Variants in CREBL2 observed in about 807,000 individuals in gnomAD.
The protein encoded by CREBL2 is cAMP responsive element binding protein like 2.
Under a neutral mutation model 19.5 loss-of-function variants are expected in CREBL2, and 4 were observed. That is an observed-to-expected ratio of 0.20 (90% CI 0.10 to 0.47). CREBL2 has a LOEUF of 0.47. Among genes scored for constraint, CREBL2 ranks in the 20% least tolerant of loss-of-function variants. The pLI is 0.98. For missense variants in CREBL2, 85 were observed against 145.1 expected (o/e 0.59, Z 2.13); for synonymous variants, 42 against 46.6 (o/e 0.90, Z 0.40).
chr12:12,642,212 G>T lies in CREBL2; in HGVS notation c.*214G>T. On this transcript the variant is annotated 3_prime_UTR_variant, in exon 4 of 4. Coordinates refer to ENST00000228865, the MANE Select transcript of CREBL2 (RefSeq NM_001310.4). ...AGAAAATCTACAAACATTCAGACCT[G>T]TCTGGGTTGGTATTGCCACCCATGA... 5.1e-6 allele frequency: 2 copies of T among 390,454 alleles called. No individual in the cohort carries two copies. Among genetic ancestry groups the T allele is most frequent in the Non-Finnish European group, 9.2e-6 (2 of 217,838 alleles). The allele number at this position is 390,454 out of a possible 1,614,324, so 24.2% of individuals were successfully genotyped here. A position where few individuals can be genotyped will look rare whatever the true frequency, so the allele number is the denominator to read the frequency against.
At chr12:12,620,937 G>A (rs1945354023) in intron 1 of CREBL2, among the ~76,000 whole-genome samples, 2 of 152,234 alleles carry the variant, frequency 1.3e-5, no homozygotes, top group African/African-American at 4.8e-5. Flanking sequence ...AAGAGTGGGT[G>A]CTTAACTGTC....
At chr12:12,622,610 T>A (rs1566107294) in intron 1 of CREBL2, among the ~76,000 whole-genome samples, 1 of 152,222 alleles carries the variant, frequency 6.6e-6, no homozygotes, top group Non-Finnish European at 1.5e-5. Context: ...CTTTCTCCTG[T>A]CGACTAGAAA....
chr12:12,625,402 TGTTA>T (rs1286818279), intron 1 of CREBL2, among the ~76,000 whole-genome samples: 8 of 152,224 alleles, frequency 5.3e-5, no homozygotes, highest in Non-Finnish European at 8.8e-5. Context: ...TGAAAAAGTT[TGTTA>T]GTTAACCTCC....
At chr12:12,637,931 A>G (rs547969027) in intron 3 of CREBL2, among the ~76,000 whole-genome samples, 1 of 152,050 alleles carries the variant, frequency 6.6e-6, no homozygotes, top group African/African-American at 2.4e-5. Flanking sequence ...AATCCCAGCT[A>G]TTTGGGAGAC....
chr12:12,619,837 G>C (rs975898743), intron 1 of CREBL2, among the ~76,000 whole-genome samples: 1 of 152,180 alleles, frequency 6.6e-6, no homozygotes, highest in Non-Finnish European at 1.5e-5. Context: ...GCATGCCAAT[G>C]TGAGCTGCCA....
chr12:12,618,716 G>A (rs1013660676), intron 1 of CREBL2, among the ~76,000 whole-genome samples: 3 of 152,182 alleles, frequency 2.0e-5, no homozygotes, highest in Admixed American at 6.5e-5. Context: ...CCGAGATCGC[G>A]CCACTGCACT....
chr12:12,644,147 T>C lies in CREBL2; in HGVS notation c.*2149T>C, dbSNP rs1945546806. The C allele has an allele frequency of 1.3e-5, 2 of 152,572 alleles. No individual in the cohort carries two copies. The highest frequency in any genetic ancestry group is 2.4e-5 in the African/African-American group (1 of 41,458). The allele number at this position is 152,572 out of a possible 1,614,324, so 9.5% of individuals were successfully genotyped here. A position where few individuals can be genotyped will look rare whatever the true frequency, so the allele number is the denominator to read the frequency against. On this transcript the variant is annotated 3_prime_UTR_variant, in exon 4 of 4. Coordinates refer to ENST00000228865, the MANE Select transcript of CREBL2 (RefSeq NM_001310.4). ...GCAGGGAAGAGCAGTAGAGGATGTA[T>C]AATTTTGGGCGAAGTTAAATTACAA...
intron 1 of CREBL2, among the ~76,000 whole-genome samples, chr12:12,618,530 G>A (rs1222018328): frequency 1.3e-5 from 2 of 150,444 alleles, no homozygotes; most frequent in African/African-American, 4.9e-5. Context: ...GGGAAGAGGC[G>A]CTCCTCACTT....
At position 12,611,928 on chromosome 12, in the gene CREBL2, G is replaced by C. The variant is rs780525432; in HGVS notation, c.-245G>C. On this transcript the variant is annotated 5_prime_UTR_variant, in exon 1 of 4. Transcript: ENST00000228865. ...TAAACACCCAGAGACTGTCATGGAG[G>C]GGGAGGAGGAGGCGGCGGCGGCGAA... 7.4e-5 allele frequency: 43 copies of C among 580,230 alleles called. No individual in the cohort carries two copies. Among genetic ancestry groups the C allele is most frequent in the Middle Eastern group, 4.5e-4 (1 of 2,212 alleles). The allele number at this position is 580,230 out of a possible 1,614,324, so 35.9% of individuals were successfully genotyped here. A position where few individuals can be genotyped will look rare whatever the true frequency, so the allele number is the denominator to read the frequency against.
chr12:12,641,620 CT>C (rs2136308555), intron 3 of CREBL2, among the ~76,000 whole-genome samples: 1 of 152,116 alleles, frequency 6.6e-6, no homozygotes, highest in Admixed American at 6.6e-5. Flanking sequence ...GAACAAACTT[CT>C]TATGTTTTCA....
In CREBL2 at chr12:12,623,675, G is replaced by A. The variant is rs150778135; in HGVS notation, c.15+11488G>A. Among the ~76,000 whole-genome samples the A allele has an allele frequency of 5.3e-4, 81 of 152,342 alleles. No individual in the cohort carries two copies. In the East Asian group the frequency reaches 0.014, roughly 26 times the overall value. ...GCTTTTTGTGGGAATCCTGGATGCA[G>A]TGGGCTGAATGGTGGCCCCTAAAAA... On this transcript the variant is annotated intron_variant, in intron 1 of 3. Transcript: ENST00000228865.
intron 1 of CREBL2, among the ~76,000 whole-genome samples, chr12:12,628,098 TC>T (rs1945416621): frequency 6.6e-6 from 1 of 152,146 alleles, no homozygotes; most frequent in Non-Finnish European, 1.5e-5. Context: ...GCCAGGATGG[TC>T]TTGATCTCTT....
intron 1 of CREBL2, among the ~76,000 whole-genome samples, chr12:12,613,172 C>A (rs931957628): frequency 1.3e-5 from 2 of 152,188 alleles, no homozygotes; most frequent in African/African-American, 4.8e-5. Flanking sequence ...GCCTGGCCGC[C>A]TTTCTCTCTT....
In CREBL2 at chr12:12,642,060, G is replaced by GGGCA; in HGVS notation, c.*63_*66dup. 1 of 1,348,110 alleles carries GGGCA rather than the reference G, an allele frequency of 7.4e-7. No individual in the cohort carries two copies. Among genetic ancestry groups the GGGCA allele is most frequent in the Admixed American group, 1.9e-5 (1 of 52,802 alleles). 83.5% of individuals were successfully genotyped at this position (1,348,110 alleles called of 1,614,324 possible). On this transcript the variant is annotated 3_prime_UTR_variant, in exon 4 of 4. Coordinates refer to ENST00000228865, the MANE Select transcript of CREBL2 (RefSeq NM_001310.4). The stretch of plus-strand genomic sequence containing the variant: ...ATTCTGATTCCCATGGAAGATGGAT[G>GGGCA]GGCAAGAGTGTACTTCTTGGCTCCA...
intron 1 of CREBL2, among the ~76,000 whole-genome samples, chr12:12,629,236 T>G (rs1451737280): frequency 6.6e-6 from 1 of 152,214 alleles, no homozygotes; most frequent in African/African-American, 2.4e-5. Flanking sequence ...TAATAAATCT[T>G]CCAGCCCACT....
At chr12:12,632,192 C>T (rs1212365400) in intron 1 of CREBL2, among the ~76,000 whole-genome samples, 2 of 146,386 alleles carry the variant, frequency 1.4e-5, no homozygotes, top group Non-Finnish European at 3.0e-5. Flanking sequence ...ATTCTCCTGC[C>T]TCAGCCTCCC....
At position 12,612,012 on chromosome 12, in the gene CREBL2, TC is replaced by T. The variant is rs1216948826; in HGVS notation, c.-157del. Reference sequence around the variant, plus strand: ...CTGCCATTCCTGAACTGGTCCCTCGTCCCCGTGACTCTGGCATCAGGGAAGC... The same window carrying T: ...CTGCCATTCCTGAACTGGTCCCTCGTCCCGTGACTCTGGCATCAGGGAAGC... On this transcript the variant is annotated 5_prime_UTR_variant, in exon 1 of 4. Transcript: ENST00000228865. The T allele has an allele frequency of 8.3e-6, 7 of 848,466 alleles. No individual in the cohort carries two copies. In the East Asian group the frequency reaches 1.8e-4, roughly 22 times the overall value. The allele number at this position is 848,466 out of a possible 1,614,324, so 52.6% of individuals were successfully genotyped here.
intron 1 of CREBL2, among the ~76,000 whole-genome samples, chr12:12,629,795 A>G (rs527787500): frequency 2.9e-4 from 44 of 152,100 alleles, no homozygotes; most frequent in African/African-American, 1.0e-3. Context: ...TTTCTAGGTT[A>G]TTGAGTGTTT....
At chr12:12,617,658 T>TTTTTTTTTTTTTTTTTTTTG (rs1945321788) in intron 1 of CREBL2, among the ~76,000 whole-genome samples, 1 of 105,832 alleles carries the variant, frequency 9.4e-6, no homozygotes, top group Non-Finnish European at 1.9e-5. Flanking sequence ...TTTTTTTTTT[T>TTTTTTTTTTTTTTTTTTTTG]TTTTTTTTTT....
Sources: gnomAD v4.1 joint callset for allele counts (sites outside exome capture counted in the v4.1 genomes callset) on GRCh38, gnomAD v4.1.1 for gene constraint, MANE v1.5 for transcripts, NCBI Gene and HGNC (gene_info 2026-07-23, HGNC 2026-07-21) for gene names.